HPSE2: variants seen among roughly 807,000 people sequenced by gnomAD.
HPSE2 encodes the protein inactive heparanase-2.
HPSE2 carries 38 observed loss-of-function variants against 60.5 expected under a neutral mutation model. That is an observed-to-expected ratio of 0.63 (90% confidence interval 0.48 to 0.82). The LOEUF (loss-of-function observed/expected upper bound fraction) is 0.82. Among genes scored for constraint, HPSE2 ranks in the 40% least tolerant of loss-of-function variants. The pLI, the probability that HPSE2 is intolerant of heterozygous loss-of-function variation, is 0.00. For synonymous variants in HPSE2, 295 were observed against 293.2 expected (o/e 1.01, Z -0.06); for missense variants, 713 against 740.4 (o/e 0.96, Z 0.43).
rs72836772 is a variant in HPSE2 at position 98,958,381 on chromosome 10, G to A, written c.610+185857C>T. On this transcript the variant is annotated intron_variant, in intron 3 of 11. Coordinates refer to ENST00000370552, the MANE Select transcript of HPSE2 (RefSeq NM_021828.5). ...GGTTAAAAAAAAATGCAAGGAAGAG[G>A]TCACACAGAGAACTGTGGAACAAAG... Among the ~76,000 whole-genome samples, 1,365 of 152,032 alleles carry A rather than the reference G, an allele frequency of 9.0e-3. 11 individuals are homozygous for A. The highest frequency in any genetic ancestry group is 0.025 in the South Asian group (122 of 4,806).
intron 3 of HPSE2, among the ~76,000 whole-genome samples, chr10:98,764,107 T>C (rs1371336075): frequency 6.6e-6 from 1 of 152,170 alleles, no homozygotes; most frequent in Non-Finnish European, 1.5e-5. Flanking sequence ...TTCCTTCAGA[T>C]AATGTTATAA....
At chr10:98,726,337 G>C (rs1159128068) in intron 4 of HPSE2, among the ~76,000 whole-genome samples, 1 of 152,052 alleles carries the variant, frequency 6.6e-6, no homozygotes, top group Non-Finnish European at 1.5e-5. Flanking sequence ...CCTTTGTAGG[G>C]ACATGGATGA....
At chr10:98,995,584 ACC>A (rs1342239353) in intron 3 of HPSE2, among the ~76,000 whole-genome samples, 1 of 152,134 alleles carries the variant, frequency 6.6e-6, no homozygotes, top group African/African-American at 2.4e-5. Context: ...CTCCATAGGA[ACC>A]CTATTATACT....
chr10:98,502,331 G>A (rs1942052968), intron 9 of HPSE2, among the ~76,000 whole-genome samples: 1 of 152,200 alleles, frequency 6.6e-6, no homozygotes, highest in South Asian at 2.1e-4. Context: ...AAAACAGCAT[G>A]GTAATGGTAT....
At chr10:98,516,818 C>T (rs1942617851) in intron 9 of HPSE2, among the ~76,000 whole-genome samples, 1 of 152,052 alleles carries the variant, frequency 6.6e-6, no homozygotes, top group Non-Finnish European at 1.5e-5. Flanking sequence ...TGAGTAGGGG[C>T]CTGAAATACA....
At chr10:99,269,311 A>G in the HPSE2 span, among the ~76,000 whole-genome samples, 22 of 152,212 alleles carry the variant, frequency 1.4e-4, no homozygotes, top group African/African-American at 5.3e-4. Flanking sequence ...CTATTCTCAT[A>G]TCAGACAAAA....
At chr10:99,162,992 G>C (rs1301022100) in intron 2 of HPSE2, among the ~76,000 whole-genome samples, 1 of 152,146 alleles carries the variant, frequency 6.6e-6, no homozygotes, top group Non-Finnish European at 1.5e-5. Flanking sequence ...GGCAGATCAC[G>C]AGGTCAGGAG....
At chr10:98,899,666 T>G (rs2134973557) in intron 3 of HPSE2, among the ~76,000 whole-genome samples, 1 of 151,754 alleles carries the variant, frequency 6.6e-6, no homozygotes, top group African/African-American at 2.4e-5. Context: ...CAATAGCAAG[T>G]TTTGGTGAGG....
At position 98,776,831 on chromosome 10, in the gene HPSE2, G is replaced by A. The variant is rs147179723; in HGVS notation, c.611-32775C>T. Among the ~76,000 whole-genome samples, 413 of 152,202 alleles carry A rather than the reference G, an allele frequency of 2.7e-3. 2 individuals carry two copies. The highest frequency in any genetic ancestry group is 4.3e-3 in the Non-Finnish European group (291 of 68,014). ...TGATTATTGAATCAATGAATATTGG[G>A]TTTCTTAGGTGTAGTAATAGTATTG... On this transcript the variant is annotated intron_variant, in intron 3 of 11. Transcript: ENST00000370552.
At chr10:99,108,666 A>C (rs963240342) in intron 3 of HPSE2, among the ~76,000 whole-genome samples, 1 of 152,178 alleles carries the variant, frequency 6.6e-6, no homozygotes, top group African/African-American at 2.4e-5. Context: ...AGACTTATAG[A>C]AAATTTAGAA....
intron 3 of HPSE2, among the ~76,000 whole-genome samples, chr10:98,744,474 C>T (rs1041507010): frequency 1.3e-5 from 2 of 151,944 alleles, no homozygotes; most frequent in African/African-American, 4.8e-5. Flanking sequence ...TTGTGGTGAG[C>T]CGAGATTGCA....
chr10:98,463,498 A>C (rs1415310199), intron 11 of HPSE2, among the ~76,000 whole-genome samples: 1 of 152,268 alleles, frequency 6.6e-6, no homozygotes, highest in Non-Finnish European at 1.5e-5. Flanking sequence ...TGAAATACAC[A>C]AGTTAATTCA....
At chr10:98,520,745 G>A (rs578034190) in intron 9 of HPSE2, among the ~76,000 whole-genome samples, 3 of 152,118 alleles carry the variant, frequency 2.0e-5, no homozygotes, top group East Asian at 1.9e-4. Context: ...GTAGAAATAC[G>A]AATAAGAAAG....
chr10:98,559,349 C>T (rs967266031), intron 9 of HPSE2, among the ~76,000 whole-genome samples: 16 of 152,086 alleles, frequency 1.1e-4, no homozygotes, highest in African/African-American at 1.4e-4. Flanking sequence ...TTCTTTAACT[C>T]AGTTCTGAGT....
the HPSE2 span, among the ~76,000 whole-genome samples, chr10:99,302,316 G>A: frequency 6.7e-6 from 1 of 148,746 alleles, no homozygotes; most frequent in East Asian, 2.1e-4. Context: ...ACTATTAACA[G>A]CTAAGGGATC....
intron 9 of HPSE2, among the ~76,000 whole-genome samples, chr10:98,521,319 C>T (rs1359719292): frequency 6.6e-6 from 1 of 152,102 alleles, no homozygotes; most frequent in Non-Finnish European, 1.5e-5. Context: ...AAAAAGTGGG[C>T]AAAGGATATG....
intron 2 of HPSE2, among the ~76,000 whole-genome samples, chr10:99,147,327 G>A (rs1449732549): frequency 1.3e-5 from 2 of 152,210 alleles, no homozygotes; most frequent in Admixed American, 1.3e-4. Context: ...GTATTCCATA[G>A]ACTGTTCGTG....
intron 3 of HPSE2, among the ~76,000 whole-genome samples, chr10:98,930,896 A>C (rs1954623690): frequency 6.9e-6 from 1 of 144,120 alleles, no homozygotes; most frequent in Admixed American, 6.9e-5. Context: ...AGATTGCAAA[A>C]ATTTCCTCCC....
chr10:98,546,754 C>T (rs1423410376), intron 9 of HPSE2, among the ~76,000 whole-genome samples: 7 of 150,750 alleles, frequency 4.6e-5, no homozygotes, highest in African/African-American at 1.7e-4. Flanking sequence ...GCAAGGACTT[C>T]ATGTCTAAAA....
Sources: allele counts gnomAD v4.1 joint callset (sites outside exome capture counted in the v4.1 genomes callset), GRCh38; gene constraint gnomAD v4.1.1; transcripts MANE v1.5; gene names NCBI Gene and HGNC (gene_info 2026-07-23, HGNC 2026-07-21).